PARD3B: variants seen among roughly 807,000 people sequenced by gnomAD.
PARD3B encodes the protein par-3 family cell polarity regulator beta.
PARD3B carries 103 observed loss-of-function variants against 130.2 expected under a neutral mutation model. That is an observed-to-expected ratio of 0.79 (90% CI 0.67 to 0.93). The LOEUF is 0.93. Among genes scored for constraint, PARD3B ranks in the 40% least tolerant of loss-of-function variants. The pLI, the probability that PARD3B is intolerant of heterozygous loss-of-function variation, is 0.00. For missense variants in PARD3B, 1,609 were observed against 1,499.2 expected (o/e 1.07, Z -1.21); for synonymous variants, 583 against 553.2 (o/e 1.05, Z -0.76).
chr2:205,312,110 C>G (rs781762519), intron 18 of PARD3B, among the ~76,000 whole-genome samples: 1 of 152,202 alleles, frequency 6.6e-6, no homozygotes, highest in Non-Finnish European at 1.5e-5. Context: ...GATCCCATAA[C>G]AGCTGTTACA....
intron 3 of PARD3B, among the ~76,000 whole-genome samples, chr2:204,984,017 C>T (rs936212938): frequency 2.6e-5 from 4 of 152,034 alleles, no homozygotes; most frequent in Non-Finnish European, 4.4e-5. Context: ...ATGCATTTCT[C>T]CTGTTCATCT....
At chr2:205,241,000 T>A (rs2039328397) in intron 15 of PARD3B, among the ~76,000 whole-genome samples, 1 of 152,204 alleles carries the variant, frequency 6.6e-6, no homozygotes, top group Non-Finnish European at 1.5e-5. Context: ...TCCCCTGTAT[T>A]TTCTTTCTCT....
chr2:204,977,324 T>A (rs1242447580), intron 3 of PARD3B, among the ~76,000 whole-genome samples: 1 of 152,180 alleles, frequency 6.6e-6, no homozygotes, highest in East Asian at 1.9e-4. Flanking sequence ...TGTCTATGTT[T>A]GACAGTCCAT....
rs183831790 is a variant in PARD3B at position 205,616,050 on chromosome 2, T to C, written c.*237T>C. 2 of 521,402 alleles carry C rather than the reference T, an allele frequency of 3.8e-6. No homozygotes were observed. Among genetic ancestry groups the C allele is most frequent in the African/African-American group, 3.8e-5 (2 of 52,324 alleles). 32.3% of individuals were successfully genotyped at this position (521,402 alleles called of 1,614,324 possible). ...ATGGGGCTATAAAAACAAAACTACC[T>C]GATAGTTGAAACGCTTTCAGAGTTG... On this transcript the variant is annotated 3_prime_UTR_variant, in exon 23 of 23. Coordinates refer to ENST00000406610, the MANE Select transcript of PARD3B (RefSeq NM_001302769.2).
At chr2:205,492,680 T>C (rs948360434) in intron 20 of PARD3B, among the ~76,000 whole-genome samples, 1 of 152,072 alleles carries the variant, frequency 6.6e-6, no homozygotes, top group African/African-American at 2.4e-5. Flanking sequence ...TTATAAGAAA[T>C]GGGAAACGGG....
At position 205,261,392 on chromosome 2, in the gene PARD3B, T is replaced by G. The variant is rs188770157; in HGVS notation, c.2185+15570T>G. Among the ~76,000 whole-genome samples, 58 of 152,238 alleles carry G rather than the reference T, an allele frequency of 3.8e-4. 2 individuals are homozygous for G. In the East Asian group the frequency reaches 0.01, roughly 26 times the overall value. On this transcript the variant is annotated intron_variant, in intron 16 of 22. Coordinates refer to ENST00000406610, the MANE Select transcript of PARD3B (RefSeq NM_001302769.2). ...CACCATTGTGTCTTTGCAGAATGAG[T>G]GAATGAATGAATGAATGATTATTCT...
Position 204,686,271 on chromosome 2 carries a change from G to A in PARD3B, c.211G>A (p.Asp71Asn). ...TGATGTCTTGGCAGATGTTGTTGAA[G>A]ATAAAGACAAGGTAGATAACTCTAA... ...PDDVLADVVE[D>N]KDKLIAVFEE... The change falls in exon 2 of 23, where the codon GAT becomes AAT. Residue 71 changes from aspartate to asparagine, a missense_variant. Asp to Asn is a conservative substitution (Grantham distance 23). Coordinates refer to ENST00000406610, the MANE Select transcript of PARD3B (RefSeq NM_001302769.2). 1.2e-6 allele frequency: 2 copies of A among 1,607,428 alleles called. No individual in the cohort carries two copies. The highest frequency in any genetic ancestry group is 1.7e-6 in the Non-Finnish European group (2 of 1,174,090).
intron 15 of PARD3B, among the ~76,000 whole-genome samples, chr2:205,237,259 C>T (rs762006592): frequency 6.6e-6 from 1 of 152,084 alleles, no homozygotes; most frequent in Admixed American, 6.5e-5. Context: ...ACCACCACGC[C>T]AGGCTAATTT....
At chr2:205,312,059 A>G (rs942688700) in intron 18 of PARD3B, among the ~76,000 whole-genome samples, 3 of 152,218 alleles carry the variant, frequency 2.0e-5, no homozygotes, top group African/African-American at 7.2e-5. Flanking sequence ...TTAAGTCACC[A>G]GGGAACATGA....
chr2:205,340,273 C>A (rs1411789174), intron 18 of PARD3B, among the ~76,000 whole-genome samples: 1 of 151,970 alleles, frequency 6.6e-6, no homozygotes, highest in Non-Finnish European at 1.5e-5. Context: ...CTACGTAGAA[C>A]CACAAAAGAC....
intron 16 of PARD3B, among the ~76,000 whole-genome samples, chr2:205,271,149 C>A (rs2040709708): frequency 6.6e-6 from 1 of 152,072 alleles, no homozygotes; most frequent in Non-Finnish European, 1.5e-5. Flanking sequence ...AGGAGAATTT[C>A]TATATATCCA....
At chr2:205,009,560 T>A (rs920567379) in intron 3 of PARD3B, among the ~76,000 whole-genome samples, 5 of 151,550 alleles carry the variant, frequency 3.3e-5, no homozygotes, top group South Asian at 4.2e-4. Flanking sequence ...AGTCCCAGCT[T>A]CTCGGGAGGC....
intron 18 of PARD3B, among the ~76,000 whole-genome samples, chr2:205,348,902 T>C (rs565553351): frequency 6.6e-6 from 1 of 152,282 alleles, no homozygotes; most frequent in Admixed American, 6.5e-5. Context: ...TAGATGGTGC[T>C]ACAAGGTGAC....
intron 1 of PARD3B, among the ~76,000 whole-genome samples, chr2:204,563,212 C>A (rs1243757670): frequency 1.2e-5 from 1 of 85,590 alleles, no homozygotes; most frequent in Non-Finnish European, 2.6e-5. Context: ...TGCCGTCTTC[C>A]CGCTGTCTCT....
intron 20 of PARD3B, among the ~76,000 whole-genome samples, chr2:205,450,827 G>T (rs1448256926): frequency 6.6e-6 from 1 of 152,142 alleles, no homozygotes; most frequent in Non-Finnish European, 1.5e-5. Flanking sequence ...AGTGAAGAGA[G>T]CATTCATTAC....
intron 1 of PARD3B, among the ~76,000 whole-genome samples, chr2:204,590,416 G>A (rs1189015355): frequency 6.6e-5 from 10 of 152,272 alleles, no homozygotes; most frequent in South Asian, 4.1e-4. Flanking sequence ...GCAAAGAAAC[G>A]TTGGCAAGAA....
intron 18 of PARD3B, among the ~76,000 whole-genome samples, chr2:205,347,041 A>T (rs1213010184): frequency 6.6e-6 from 1 of 152,120 alleles, no homozygotes; most frequent in African/African-American, 2.4e-5. Context: ...CCTTCCACTT[A>T]TTTCCATTAA....
chr2:204,612,780 T>C (rs971781549), intron 1 of PARD3B, among the ~76,000 whole-genome samples: 6 of 110,724 alleles, frequency 5.4e-5, no homozygotes, highest in Non-Finnish European at 8.3e-5. Context: ...AAGCAACCAC[T>C]TTCAACTTGT....
At chr2:204,972,239 A>G (rs1426812611) in intron 3 of PARD3B, among the ~76,000 whole-genome samples, 1 of 152,166 alleles carries the variant, frequency 6.6e-6, no homozygotes, top group Non-Finnish European at 1.5e-5. Flanking sequence ...TTGCAGATGA[A>G]TATATATAGG....
Sources: allele counts gnomAD v4.1 joint callset (sites outside exome capture counted in the v4.1 genomes callset), GRCh38; gene constraint gnomAD v4.1.1; transcripts MANE v1.5; gene names NCBI Gene and HGNC (gene_info 2026-07-23, HGNC 2026-07-21).